ATR: variants seen among roughly 807,000 people sequenced by gnomAD.
ATR encodes ATR checkpoint kinase.
Under a neutral mutation model 305.3 loss-of-function variants are expected in ATR, and 142 were observed. The observed-to-expected ratio is 0.47, with a 90% CI of 0.41 to 0.53. The LOEUF (loss-of-function observed/expected upper bound fraction) is 0.53, where lower values mean the gene tolerates loss of function less well. Ranked by LOEUF, ATR falls within the 20% of genes least tolerant of loss-of-function variation. The pLI, the probability that ATR is intolerant of heterozygous loss-of-function variation, is 0.00. For missense variants in ATR, 2,135 were observed against 3,133.1 expected, an observed-to-expected ratio of 0.68 and a Z score of 7.60; for synonymous variants, 1,050 against 1,068.1, an observed-to-expected ratio of 0.98 and a Z score of 0.33.
intron 46 of ATR, chr3:142,452,185 T>A: frequency 2.0e-6 from 2 of 1,005,742 alleles, no homozygotes; most frequent in Non-Finnish European, 2.4e-6. Flanking sequence ...GGTCTAGCCT[T>A]CCTCGAGCTA....
At chr3:142,464,593 T>G (rs2071087424) in intron 41 of ATR, among the ~76,000 whole-genome samples, 1 of 152,216 alleles carries the variant, frequency 6.6e-6, no homozygotes, top group Non-Finnish European at 1.5e-5. Context: ...GAATGAACTT[T>G]GAATAATGCC....
rs1577697147 is a variant in ATR at position 142,559,374 on chromosome 3, A to G, written c.1609T>C (p.Leu537=). Residue 537 remains leucine, a synonymous_variant, in exon 7 of 47, where the codon TTG becomes CTG. Coordinates refer to ENST00000350721, the MANE Select transcript of ATR (RefSeq NM_001184.4). The part of the protein sequence containing the change: ...KPSVVITWMS[L]DFYTKVLKSC... ...TTAAGCACTTTTGTGTAAAAATCCA[A>G]TGACATCCAAGTTATCACTACAGAA... The G allele has an allele frequency of 6.8e-6, 11 of 1,613,956 alleles. No individual in the cohort carries two copies. Among genetic ancestry groups the G allele is most frequent in the Admixed American group, 1.7e-5 (1 of 60,010 alleles).
chr3:142,530,988 C>T (rs1335869425), intron 21 of ATR, among the ~76,000 whole-genome samples: 1 of 152,032 alleles, frequency 6.6e-6, no homozygotes, highest in African/African-American at 2.4e-5. Flanking sequence ...TTTTTTTATA[C>T]AGTCTCATCA....
chr3:142,522,455 C>G (rs1326272043), intron 23 of ATR, among the ~76,000 whole-genome samples: 4 of 152,080 alleles, frequency 2.6e-5, no homozygotes, highest in Non-Finnish European at 5.9e-5. Flanking sequence ...ACATTTATTT[C>G]AATGCCTAGA....
chr3:142,566,368 C>T (rs2035072158), intron 2 of ATR, 107 bp from the exon 3 acceptor site: 1 of 1,278,374 alleles, frequency 7.8e-7, no homozygotes, highest in Admixed American at 1.9e-5. Context: ...CCTGTAACCC[C>T]TGTACTTTGG....
chr3:142,496,835 T>C (rs2031675157), intron 33 of ATR, among the ~76,000 whole-genome samples, 178 bp downstream of exon 33: 1 of 152,118 alleles, frequency 6.6e-6, no homozygotes, highest in Non-Finnish European at 1.5e-5. Flanking sequence ...AAAGAAATGG[T>C]GTCTAAAAGT....
chr3:142,501,488 TCA>T (rs2031962993), intron 30 of ATR, among the ~76,000 whole-genome samples: 1 of 152,186 alleles, frequency 6.6e-6, no homozygotes, highest in South Asian at 2.1e-4. Flanking sequence ...TCTTTATGAA[TCA>T]CAGTTTTGGA....
chr3:142,549,836 T>C (rs1485815719), intron 14 of ATR, among the ~76,000 whole-genome samples, 163 bp from the exon 15 acceptor site: 1 of 152,264 alleles, frequency 6.6e-6, no homozygotes, highest in Admixed American at 6.5e-5. Context: ...TATAATTTTA[T>C]ACTTTATTAT....
intron 35 of ATR, among the ~76,000 whole-genome samples, chr3:142,488,473 C>G (rs1173037160): frequency 2.0e-5 from 3 of 152,186 alleles, no homozygotes; most frequent in Non-Finnish European, 4.4e-5. Context: ...TTGGAGGTCA[C>G]TAAGGAGATA....
Position 142,449,548 on chromosome 3 carries a change from G to C in ATR, c.7816C>G (p.Arg2606Gly). The C allele has an allele frequency of 6.2e-7, 1 of 1,613,996 alleles. No individual in the cohort carries two copies. The highest frequency in any genetic ancestry group is 8.5e-7 in the Non-Finnish European group (1 of 1,179,936). Residue 2606 changes from arginine (R) to glycine (G), a missense_variant, in exon 47 of 47, where the codon CGA becomes GGA. Transcript: ENST00000350721. ...EQRLQGVIKT[R>G]NRVTGLPLSI... The stretch of plus-strand genomic sequence containing the variant: ...AACGGCAGTCCTGTCACTCTATTTC[G>C]AGTCTTGATTACACCTTGTAGTCGC...
At chr3:142,563,140 A>T (rs112400050) in intron 3 of ATR, 31 bp from the exon 4 acceptor site, 7 of 1,578,294 alleles carry the variant, frequency 4.4e-6, no homozygotes, top group African/African-American at 4.1e-5. Context: ...ATATTAAATA[A>T]ACAAGTATAT....
At chr3:142,557,435 G>C (rs2034712801) in intron 8 of ATR, among the ~76,000 whole-genome samples, 1 of 152,152 alleles carries the variant, frequency 6.6e-6, no homozygotes, top group Admixed American at 6.5e-5. Flanking sequence ...ATAAAAACTA[G>C]AGTTACCCAT....
At chr3:142,497,969 A>T (rs1272121076) in intron 32 of ATR, among the ~76,000 whole-genome samples, 1 of 152,214 alleles carries the variant, frequency 6.6e-6, no homozygotes, top group Non-Finnish European at 1.5e-5. Context: ...CTGAGTAGCT[A>T]CAGAACAGAA....
intron 42 of ATR, among the ~76,000 whole-genome samples, 170 bp from the exon 43 acceptor site, chr3:142,459,553 A>C (rs2070980648): frequency 6.6e-6 from 1 of 152,222 alleles, no homozygotes; most frequent in Non-Finnish European, 1.5e-5. Flanking sequence ...CTGATTGTAT[A>C]ATAAAATAAT....
intron 26 of ATR, among the ~76,000 whole-genome samples, chr3:142,512,980 T>C (rs563310669): frequency 4.6e-5 from 7 of 152,132 alleles, no homozygotes; most frequent in Non-Finnish European, 1.0e-4. Context: ...TTTTAAAAAT[T>C]TTAAAATATT....
Position 142,470,128 on chromosome 3 carries a change from G to A in ATR, c.6277C>T (p.Leu2093=). 6.2e-7 allele frequency: 1 copy of A among 1,611,308 alleles called. No homozygotes were observed. ...GCCTTTGTACCATAATCAAGCCATAGAGTTAACATTCGTGGCATTGACTGA... is the reference window on the plus strand; with the variant it reads ...GCCTTTGTACCATAATCAAGCCATAAAGTTAACATTCGTGGCATTGACTGA... ...IYQSMPRMLT[L]WLDYGTKAYE... is the part of the protein sequence containing the mutation. Residue 2093 remains leucine (L), a synonymous_variant, in exon 37 of 47, where the codon CTA becomes TTA. Coordinates refer to ENST00000350721, the MANE Select transcript of ATR (RefSeq NM_001184.4).
At position 142,532,013 on chromosome 3, in the gene ATR, T is replaced by C. The variant is rs146968672; in HGVS notation, c.3945+3067A>G. 3.8e-3 allele frequency among the ~76,000 whole-genome samples: 576 copies of C among 152,338 alleles called. 1 individual carries two copies. The highest frequency in any genetic ancestry group is 0.013 in the African/African-American group (549 of 41,580). Reference sequence around the variant, plus strand: ...GCATTTCTCTGATGGCCAGTGAGGATGAGCATTTTTTCATGTGTTTTTTGG... The same window carrying C: ...GCATTTCTCTGATGGCCAGTGAGGACGAGCATTTTTTCATGTGTTTTTTGG... On this transcript the variant is annotated intron_variant, in intron 21 of 46. Transcript: ENST00000350721.
chr3:142,470,057 CT>C, intron 37 of ATR, 28 bp downstream of exon 37: 1 of 1,532,288 alleles, frequency 6.5e-7, no homozygotes, highest in East Asian at 2.3e-5. Context: ...ATTCCTAGTC[CT>C]TTAAAACTTT....
chr3:142,545,833 G>C (rs1243371978), intron 16 of ATR, among the ~76,000 whole-genome samples: 6 of 152,182 alleles, frequency 3.9e-5, no homozygotes, highest in African/African-American at 1.4e-4. Context: ...TTTGTCTCAT[G>C]CAACTGGTAG....
Sources: allele counts gnomAD v4.1 joint callset (sites outside exome capture counted in the v4.1 genomes callset), GRCh38; gene constraint gnomAD v4.1.1; transcripts MANE v1.5; gene names NCBI Gene and HGNC (gene_info 2026-07-23, HGNC 2026-07-21).